The following CNTNAP2 variants were observed in gnomAD, a reference collection of about 807,000 sequenced individuals.
The protein encoded by CNTNAP2 is contactin-associated protein-like 2.
Under a neutral mutation model 155.2 loss-of-function variants are expected in CNTNAP2, and 98 were observed. The observed-to-expected ratio is 0.63, with a 90% CI of 0.54 to 0.75. The LOEUF is 0.75. Ranked by LOEUF, CNTNAP2 falls within the 30% of genes least tolerant of loss-of-function variation. The probability of loss-of-function intolerance (pLI) is 0.00; values close to 1 mark genes in which losing one functional copy is unlikely to be tolerated. For missense variants in CNTNAP2, 1,727 were observed against 1,688.1 expected (o/e 1.02, Z -0.40); for synonymous variants, 651 against 631.2 (o/e 1.03, Z -0.47).
intron 16 of CNTNAP2, among the ~76,000 whole-genome samples, chr7:148,136,613 G>T (rs1804956144): frequency 6.6e-6 from 1 of 152,160 alleles, no homozygotes; most frequent in Admixed American, 6.6e-5. Flanking sequence ...GACTAGAACA[G>T]CTGGATAGTA....
intron 1 of CNTNAP2, among the ~76,000 whole-genome samples, chr7:146,602,611 AAT>A (rs1468047996): frequency 1.3e-5 from 2 of 152,206 alleles, no homozygotes; most frequent in Admixed American, 1.3e-4. Context: ...GTCAGTGTTA[AAT>A]ATGACATAAC....
At chr7:148,282,201 G>A (rs1428271062) in intron 21 of CNTNAP2, among the ~76,000 whole-genome samples, 18 of 152,104 alleles carry the variant, frequency 1.2e-4, no homozygotes, top group Non-Finnish European at 1.9e-4. Context: ...CTTTAACAAG[G>A]ACAATAAATA....
chr7:147,463,092 G>T (rs1385697864), intron 10 of CNTNAP2, among the ~76,000 whole-genome samples: 1 of 152,160 alleles, frequency 6.6e-6, no homozygotes, highest in African/African-American at 2.4e-5. Context: ...ACTACTTGTT[G>T]ACATTTATGA....
chr7:146,805,190 GACCATATGGCC>G (rs1166182610), intron 2 of CNTNAP2, among the ~76,000 whole-genome samples: 11 of 152,126 alleles, frequency 7.2e-5, no homozygotes, highest in African/African-American at 2.7e-4. Context: ...GCATCAGAGA[GACCATATGGCC>G]ACTGAAATCT....
chr7:148,199,075 A>G (rs1276220397), intron 18 of CNTNAP2, among the ~76,000 whole-genome samples: 1 of 152,116 alleles, frequency 6.6e-6, no homozygotes, highest in African/African-American at 2.4e-5. Context: ...GCCCAGAGGG[A>G]GGTGGAGTTC....
At chr7:146,122,471 T>C (rs1797577819) in intron 1 of CNTNAP2, among the ~76,000 whole-genome samples, 1 of 152,248 alleles carries the variant, frequency 6.6e-6, no homozygotes, top group Non-Finnish European at 1.5e-5. Context: ...GGACTGAGAT[T>C]GACTGTACTC....
chr7:148,162,883 C>G (rs534084547), intron 17 of CNTNAP2, among the ~76,000 whole-genome samples: 1 of 152,264 alleles, frequency 6.6e-6, no homozygotes, highest in South Asian at 2.1e-4. Context: ...GCCTGTAACC[C>G]CAGCTACTCA....
intron 8 of CNTNAP2, among the ~76,000 whole-genome samples, chr7:147,182,474 C>G (rs1802481789): frequency 6.6e-6 from 1 of 151,964 alleles, no homozygotes. Flanking sequence ...TTTATTAACC[C>G]TATACTAAGC....
intron 10 of CNTNAP2, among the ~76,000 whole-genome samples, chr7:147,478,384 C>T (rs1169713752): frequency 5.3e-5 from 8 of 152,060 alleles, no homozygotes; most frequent in African/African-American, 1.9e-4. Flanking sequence ...AACTCCTGAC[C>T]TCAGGTGATC....
At chr7:146,973,627 C>T (rs1797848587) in intron 3 of CNTNAP2, among the ~76,000 whole-genome samples, 1 of 152,144 alleles carries the variant, frequency 6.6e-6, no homozygotes, top group South Asian at 2.1e-4. Flanking sequence ...CAAAGATCCA[C>T]TGTGAGATGC....
intron 1 of CNTNAP2, among the ~76,000 whole-genome samples, chr7:146,469,649 A>G (rs1180497323): frequency 1.3e-5 from 2 of 149,236 alleles, no homozygotes; most frequent in East Asian, 4.0e-4. Flanking sequence ...TAGCCTCCCT[A>G]GTAGCTGGAA....
intron 13 of CNTNAP2, among the ~76,000 whole-genome samples, chr7:147,787,480 CCA>C (rs1563089132): frequency 3.3e-5 from 5 of 152,164 alleles, no homozygotes; most frequent in African/African-American, 4.8e-5. Flanking sequence ...TCATTGTATA[CCA>C]CATGGTTAGA....
chr7:148,121,752 A>C (rs73744748), intron 16 of CNTNAP2, among the ~76,000 whole-genome samples: 4,264 of 152,286 alleles, frequency 0.028, 199 homozygotes, highest in African/African-American at 0.096. Context: ...ATGAGATACC[A>C]TCAGCATCTT....
intron 20 of CNTNAP2, among the ~76,000 whole-genome samples, chr7:148,231,917 T>C (rs1795969169): frequency 6.6e-6 from 1 of 152,154 alleles, no homozygotes; most frequent in Non-Finnish European, 1.5e-5. Flanking sequence ...AAATTTTGGA[T>C]GCACGATTCT....
chr7:147,618,677 A>C (rs929462459), intron 12 of CNTNAP2, among the ~76,000 whole-genome samples: 18 of 149,050 alleles, frequency 1.2e-4, no homozygotes, highest in Admixed American at 6.8e-5. Context: ...ATATAATAAC[A>C]GCTATTATAT....
chr7:148,328,976 G>GA lies in CNTNAP2; in HGVS notation c.3476-54649dup, dbSNP rs71188969. Among the ~76,000 whole-genome samples the GA allele has an allele frequency of 5.7e-3, 393 of 69,216 alleles. 16 individuals are homozygous for GA. Among genetic ancestry groups the GA allele is most frequent in the East Asian group, 0.025 (37 of 1,462 alleles). The allele number at this position is 69,216 out of a possible 152,430, so 45.4% of individuals were successfully genotyped here. On this transcript the variant is annotated intron_variant, in intron 21 of 23. Coordinates refer to ENST00000361727, the MANE Select transcript of CNTNAP2 (RefSeq NM_014141.6). ...AAGCGACAGAGCAAGACTCTGTCTG[G>GA]AAAAAAAAAAAAAAAAAAAAAAAAG...
chr7:147,849,451 C>G (rs546972938), intron 13 of CNTNAP2, among the ~76,000 whole-genome samples: 1 of 152,302 alleles, frequency 6.6e-6, no homozygotes, highest in African/African-American at 2.4e-5. Context: ...GGATTTTACT[C>G]CAGACTGTCC....
At chr7:147,156,957 C>A (rs1336475702) in intron 8 of CNTNAP2, among the ~76,000 whole-genome samples, 1 of 152,066 alleles carries the variant, frequency 6.6e-6, no homozygotes, top group Non-Finnish European at 1.5e-5. Context: ...TGCTTGTTTA[C>A]CCCCATATCC....
chr7:146,637,773 A>G (rs1799623871), intron 1 of CNTNAP2, among the ~76,000 whole-genome samples: 1 of 152,230 alleles, frequency 6.6e-6, no homozygotes, highest in Non-Finnish European at 1.5e-5. Context: ...AGACTGGTTT[A>G]GAAAGGCTAT....
Sources: gnomAD v4.1 joint callset for allele counts (sites outside exome capture counted in the v4.1 genomes callset) on GRCh38, gnomAD v4.1.1 for gene constraint, MANE v1.5 for transcripts, NCBI Gene and HGNC (gene_info 2026-07-23, HGNC 2026-07-21) for gene names.